ANKRD28: variants seen among roughly 807,000 people sequenced by gnomAD.
The protein encoded by ANKRD28 is ankyrin repeat domain 28.
ANKRD28 carries 44 observed loss-of-function variants against 126.5 expected under a neutral mutation model. That is an observed-to-expected ratio of 0.35 (90% CI 0.27 to 0.45). ANKRD28 has a LOEUF of 0.45. Among genes scored for constraint, ANKRD28 ranks in the 20% least tolerant of loss-of-function variants. The pLI is 1.00. For synonymous variants in ANKRD28, 442 were observed against 468.5 expected (o/e 0.94, Z 0.73); for missense variants, 1,110 against 1,316.6 (o/e 0.84, Z 2.43).
At chr3:15,849,248 C>T (rs1559597199) in intron 1 of ANKRD28, among the ~76,000 whole-genome samples, 2 of 152,164 alleles carry the variant, frequency 1.3e-5, no homozygotes, top group Admixed American at 6.5e-5. Flanking sequence ...TGATTCAATA[C>T]AATACCTATC....
At chr3:15,684,808 A>T (rs1288724309) in intron 21 of ANKRD28, 1 of 166,086 alleles carries the variant, frequency 6.0e-6, no homozygotes, top group Non-Finnish European at 1.3e-5. Context: ...AAAAATGCAA[A>T]ATATTTGTGG....
chr3:15,794,882 A>T (rs1201444741), intron 2 of ANKRD28, among the ~76,000 whole-genome samples: 1 of 152,234 alleles, frequency 6.6e-6, no homozygotes, highest in Admixed American at 6.5e-5. Flanking sequence ...CTACATATAT[A>T]TGTAAAAGTT....
chr3:15,717,392 A>G (rs2073191626), intron 8 of ANKRD28, among the ~76,000 whole-genome samples: 1 of 152,158 alleles, frequency 6.6e-6, no homozygotes, highest in Non-Finnish European at 1.5e-5. Flanking sequence ...CAGATTACTA[A>G]CTAAAAAGTT....
chr3:15,744,712 G>C (rs2057362273), intron 4 of ANKRD28, among the ~76,000 whole-genome samples: 1 of 152,142 alleles, frequency 6.6e-6, no homozygotes, highest in Admixed American at 6.5e-5. Context: ...AAACATGTGT[G>C]TACCAGTATC....
At chr3:15,726,706 GCA>G (rs746104398) in intron 6 of ANKRD28, among the ~76,000 whole-genome samples, 29 of 152,348 alleles carry the variant, frequency 1.9e-4, no homozygotes, top group Non-Finnish European at 3.5e-4. Context: ...ACATTAAACA[GCA>G]GATTTTCAAT....
At chr3:15,780,786 T>G (rs533374963) in intron 2 of ANKRD28, among the ~76,000 whole-genome samples, 1 of 152,286 alleles carries the variant, frequency 6.6e-6, no homozygotes, top group East Asian at 1.9e-4. Flanking sequence ...GGTCACTTGA[T>G]TTTTGACAAA....
intron 3 of ANKRD28, among the ~76,000 whole-genome samples, chr3:15,760,274 C>A (rs1410299790): frequency 6.6e-6 from 1 of 152,128 alleles, no homozygotes; most frequent in Non-Finnish European, 1.5e-5. Context: ...ATAATCTGTA[C>A]AACAAACCCA....
Position 15,668,071 on chromosome 3 carries a change from C to T in ANKRD28, c.*2199G>A, listed in dbSNP as rs1454088801. ...GACCCAGGCCCAAAGACAGAAGTTA[C>T]CGGGAGGGAGGCTTCAACTCCATCT... On this transcript the variant is annotated 3_prime_UTR_variant, in exon 28 of 28. Transcript: ENST00000683139. 2 of 152,198 alleles carry T rather than the reference C, an allele frequency of 1.3e-5. No homozygotes were observed. The highest frequency in any genetic ancestry group is 4.8e-5 in the African/African-American group (2 of 41,428). The allele number at this position is 152,198 out of a possible 1,614,324, so 9.4% of individuals were successfully genotyped here. A position where few individuals can be genotyped will look rare whatever the true frequency, so the allele number is the denominator to read the frequency against.
chr3:15,677,104 T>C (rs370858006), intron 25 of ANKRD28, 48 bp from the exon 26 acceptor site: 6 of 1,412,600 alleles, frequency 4.2e-6, no homozygotes, highest in Non-Finnish European at 6.0e-6. Context: ...CCATTAAAGA[T>C]ACATTTATAC....
In ANKRD28 at chr3:15,737,223, T is replaced by C. The variant is rs1266104445; in HGVS notation, c.362A>G (p.Gln121Arg). ...AVASCSEEAV[Q>R]VLLKHSADVN... ...ATCTGCAGAATGCTTCAAAAGTACCTGAACTGCTTCCTAAAACATATGAAA... is the reference window on the plus strand; with the variant it reads ...ATCTGCAGAATGCTTCAAAAGTACCCGAACTGCTTCCTAAAACATATGAAA... Residue 121 changes from glutamine (Q) to arginine (R), a missense_variant, in exon 5 of 28, where the codon CAG (glutamine) becomes CGG (arginine). Physicochemically the swap from Gln to Arg is conservative, Grantham distance 43 (BLOSUM62 1). Transcript: ENST00000683139. The C allele has an allele frequency of 6.2e-7, 1 of 1,613,436 alleles. No homozygotes were observed. Among genetic ancestry groups the C allele is most frequent in the Non-Finnish European group, 8.5e-7 (1 of 1,179,660 alleles).
intron 2 of ANKRD28, among the ~76,000 whole-genome samples, chr3:15,788,051 T>G (rs2059861381): frequency 6.6e-6 from 1 of 152,100 alleles, no homozygotes; most frequent in African/African-American, 2.4e-5. Context: ...TTAAAAAGGG[T>G]TGCTCATAAT....
intron 12 of ANKRD28, among the ~76,000 whole-genome samples, 161 bp from the exon 13 acceptor site, chr3:15,709,897 T>A (rs2071989436): frequency 6.6e-6 from 1 of 152,198 alleles, no homozygotes; most frequent in South Asian, 2.1e-4. Flanking sequence ...ATTCATCTTA[T>A]CTAGAATTTA....
chr3:15,774,197 T>C (rs2059151971), intron 2 of ANKRD28, among the ~76,000 whole-genome samples: 1 of 152,044 alleles, frequency 6.6e-6, no homozygotes, highest in Non-Finnish European at 1.5e-5. Context: ...ACTTAGAAAA[T>C]TGTGGGTTGT....
At chr3:15,827,904 T>A (rs1236493055) in intron 1 of ANKRD28, among the ~76,000 whole-genome samples, 1 of 152,116 alleles carries the variant, frequency 6.6e-6, no homozygotes, top group Non-Finnish European at 1.5e-5. Flanking sequence ...AATTTTTAAA[T>A]GGACAAGGGA....
intron 18 of ANKRD28, chr3:15,689,809 G>A (rs2068580662): frequency 1.9e-6 from 1 of 524,348 alleles, no homozygotes; most frequent in Non-Finnish European, 3.4e-6. Flanking sequence ...CTGAACACTG[G>A]GATACTCCTA....
At chr3:15,730,597 G>A (rs2074508371) in intron 6 of ANKRD28, among the ~76,000 whole-genome samples, 1 of 152,162 alleles carries the variant, frequency 6.6e-6, no homozygotes, top group Non-Finnish European at 1.5e-5. Context: ...CTGTAAGAGA[G>A]GTGACCAGTC....
At chr3:15,711,529 G>C (rs1040495444) in intron 11 of ANKRD28, among the ~76,000 whole-genome samples, 1 of 152,200 alleles carries the variant, frequency 6.6e-6, no homozygotes, top group Admixed American at 6.5e-5. Flanking sequence ...GCCAGTCACA[G>C]AAGATCACAT....
chr3:15,729,925 G>A (rs1407975839), intron 6 of ANKRD28, among the ~76,000 whole-genome samples: 3 of 152,208 alleles, frequency 2.0e-5, no homozygotes, highest in Admixed American at 1.3e-4. Flanking sequence ...TTTTGGCTCT[G>A]TCACCTTGGC....
chr3:15,755,263 A>C (rs538702904), intron 3 of ANKRD28, among the ~76,000 whole-genome samples: 1 of 152,256 alleles, frequency 6.6e-6, no homozygotes, highest in Non-Finnish European at 1.5e-5. Context: ...GGCAACAATG[A>C]AACAATATTC....
Sources: gnomAD v4.1 joint callset for allele counts (sites outside exome capture counted in the v4.1 genomes callset) on GRCh38, gnomAD v4.1.1 for gene constraint, MANE v1.5 for transcripts, NCBI Gene and HGNC (gene_info 2026-07-23, HGNC 2026-07-21) for gene names.